Variants in ENAH observed in about 807,000 individuals in gnomAD.
The protein encoded by ENAH is protein enabled homolog.
In ENAH, 23 loss-of-function variants were observed where a neutral mutation model predicts 78.7. That is an observed-to-expected ratio of 0.29 (90% confidence interval 0.21 to 0.41). The LOEUF (loss-of-function observed/expected upper bound fraction) is 0.41, where lower values mean the gene tolerates loss of function less well. Among genes scored for constraint, ENAH ranks in the 10% least tolerant of loss-of-function variants. ENAH has a pLI of 1.00. For synonymous variants in ENAH, 226 were observed against 241.0 expected (o/e 0.94, Z 0.58); for missense variants, 544 against 691.0 (o/e 0.79, Z 2.39).
intron 3 of ENAH, among the ~76,000 whole-genome samples, chr1:225,544,998 T>C (rs894672390): frequency 1.3e-5 from 2 of 152,230 alleles, no homozygotes; most frequent in African/African-American, 4.8e-5. Flanking sequence ...CCATCAGACC[T>C]ACATTTTCCC....
intron 3 of ENAH, among the ~76,000 whole-genome samples, chr1:225,545,064 T>C (rs902816512): frequency 5.3e-5 from 8 of 152,210 alleles, no homozygotes; most frequent in Non-Finnish European, 1.0e-4. Context: ...TTCTGTGACT[T>C]GCAAAGTCCC....
At chr1:225,634,045 C>T (rs1659603050) in intron 1 of ENAH, among the ~76,000 whole-genome samples, 1 of 152,056 alleles carries the variant, frequency 6.6e-6, no homozygotes, top group Non-Finnish European at 1.5e-5. Flanking sequence ...TTATTTTTTC[C>T]ATTTCACTTA....
At chr1:225,578,433 C>T (rs2096798466) in intron 1 of ENAH, among the ~76,000 whole-genome samples, 1 of 152,156 alleles carries the variant, frequency 6.6e-6, no homozygotes. Flanking sequence ...TATTACTGAG[C>T]CACTGCATTC....
intron 1 of ENAH, among the ~76,000 whole-genome samples, chr1:225,617,025 G>A (rs768644562): frequency 6.6e-6 from 1 of 151,910 alleles, no homozygotes; most frequent in Non-Finnish European, 1.5e-5. Flanking sequence ...CTTGAACCTG[G>A]GAGGCAGAGG....
chr1:225,556,630 T>C (rs1351315768), intron 2 of ENAH, among the ~76,000 whole-genome samples: 1 of 152,234 alleles, frequency 6.6e-6, no homozygotes, highest in Non-Finnish European at 1.5e-5. Context: ...TGCCATTCTA[T>C]GAATCGCCTT....
chr1:225,561,660 T>TAAAATAAAATAAAATAAAA (rs61081018), intron 2 of ENAH, among the ~76,000 whole-genome samples: 9 of 151,622 alleles, frequency 5.9e-5, no homozygotes, highest in South Asian at 2.1e-4. Context: ...TAAAATAAAA[T>TAAAATAAAATAAAATAAAA]TAGTATGTTC....
At chr1:225,517,378 G>C (rs1361874099) in intron 5 of ENAH, 72 bp from the exon 6 acceptor site, 2 of 1,551,814 alleles carry the variant, frequency 1.3e-6, no homozygotes, top group Non-Finnish European at 1.7e-6. Context: ...TGGAGGAGGA[G>C]AAGCTTGAGA....
intron 10 of ENAH, 102 bp from the exon 11 acceptor site, chr1:225,508,119 G>T: frequency 5.1e-6 from 3 of 591,276 alleles, no homozygotes; most frequent in Non-Finnish European, 7.9e-6. Flanking sequence ...TGTTTACATA[G>T]TAGTAATATA....
intron 2 of ENAH, among the ~76,000 whole-genome samples, chr1:225,563,296 C>G (rs2096717769): frequency 6.6e-6 from 1 of 152,048 alleles, no homozygotes; most frequent in Admixed American, 6.6e-5. Flanking sequence ...CTTTGTATGG[C>G]TAGGTTATCT....
At chr1:225,639,713 C>T (rs899278948) in intron 1 of ENAH, among the ~76,000 whole-genome samples, 3 of 143,372 alleles carry the variant, frequency 2.1e-5, no homozygotes, top group Admixed American at 2.0e-4. Flanking sequence ...TAAACACACA[C>T]ACACACACAC....
chr1:225,510,303 A>G (rs2096366417), intron 10 of ENAH, among the ~76,000 whole-genome samples: 1 of 152,198 alleles, frequency 6.6e-6, no homozygotes, highest in Non-Finnish European at 1.5e-5. Flanking sequence ...CCTTCAAGAA[A>G]TTCATGAATA....
At chr1:225,616,628 G>A (rs1288770668) in intron 1 of ENAH, among the ~76,000 whole-genome samples, 2 of 151,926 alleles carry the variant, frequency 1.3e-5, no homozygotes, top group Admixed American at 6.6e-5. Flanking sequence ...ATTCTTCTAG[G>A]AAAAGATAAG....
chr1:225,564,717 G>A (rs1440985453), intron 2 of ENAH, among the ~76,000 whole-genome samples: 3 of 152,086 alleles, frequency 2.0e-5, no homozygotes, highest in Non-Finnish European at 4.4e-5. Context: ...GATTACAGGT[G>A]TGAGCCACCA....
At chr1:225,536,783 A>G (rs1208537637) in intron 3 of ENAH, among the ~76,000 whole-genome samples, 13 of 151,922 alleles carry the variant, frequency 8.6e-5, no homozygotes, top group Non-Finnish European at 1.5e-5. Context: ...TATTACATAC[A>G]CTGTATTTTT....
In ENAH at chr1:225,493,922, G is replaced by A. The variant is rs1158463358; in HGVS notation, c.*3853C>T. On this transcript the variant is annotated 3_prime_UTR_variant, in exon 14 of 14. Coordinates refer to ENST00000366843, the MANE Select transcript of ENAH (RefSeq NM_018212.6). ...ACTGAAAGTATATATAAATTTACAA[G>A]AGACATAAAAGTTGTAGCTAGGTAA... 1 of 152,012 alleles carries A rather than the reference G, an allele frequency of 6.6e-6. No individual in the cohort carries two copies. The highest frequency in any genetic ancestry group is 1.5e-5 in the Non-Finnish European group (1 of 67,982). 9.4% of individuals were successfully genotyped at this position (152,012 alleles called of 1,614,324 possible).
intron 1 of ENAH, among the ~76,000 whole-genome samples, chr1:225,578,988 C>T (rs1428503099): frequency 6.6e-6 from 1 of 152,164 alleles, no homozygotes; most frequent in African/African-American, 2.4e-5. Context: ...ATAGTACTTA[C>T]TAAGTGCCAT....
At position 225,519,367 on chromosome 1, in the gene ENAH, C is replaced by T. The variant is rs201432124; in HGVS notation, c.633G>A (p.Glu211=). 1.1e-5 allele frequency: 17 copies of T among 1,608,854 alleles called. No individual in the cohort carries two copies. In the South Asian group the frequency reaches 1.2e-4, roughly 11 times the overall value. Residue 211 remains glutamate (E), a synonymous_variant, in exon 5 of 14, where the codon GAG becomes GAA. Transcript: ENST00000366843. The part of the protein sequence containing the change: ...QERLERQERL[E]RQERLERQER... Reference sequence around the variant, plus strand: ...CCTGCCGCTCCAGGCGTTCCTGCCGCTCCAGGCGTTCCTGCCGCTCCAGGC... The same window carrying T: ...CCTGCCGCTCCAGGCGTTCCTGCCGTTCCAGGCGTTCCTGCCGCTCCAGGC...
Position 225,517,206 on chromosome 1 carries a change from T to C in ENAH, c.903A>G (p.Pro301=), listed in dbSNP as rs1426580088. The C allele has an allele frequency of 2.6e-6, 4 of 1,537,198 alleles. No homozygotes were observed. In the East Asian group the frequency reaches 9.8e-5, roughly 38 times the overall value. ...LQAASQPAET[P]SQQGIVLGPL... ...TAATGAAAGCCTTACCCTGTTGGGA[T>C]GGAGTCTCGGCCGGCTGAGAGGCTG... Residue 301 remains proline (P), a synonymous_variant, in exon 6 of 14, where the codon CCA becomes CCG. Coordinates refer to ENST00000366843, the MANE Select transcript of ENAH (RefSeq NM_018212.6).
rs569143547 is a variant in ENAH at position 225,595,170 on chromosome 1, T to C, written c.6-27756A>G. On this transcript the variant is annotated intron_variant, in intron 1 of 13. Coordinates refer to ENST00000366843, the MANE Select transcript of ENAH (RefSeq NM_018212.6). Reference sequence around the variant, plus strand: ...CAACATGGTGAAACCCCGGCTCTACTAAAAATACAAAAATTAGCCAGGCAT... The same window carrying C: ...CAACATGGTGAAACCCCGGCTCTACCAAAAATACAAAAATTAGCCAGGCAT... Among the ~76,000 whole-genome samples the C allele has an allele frequency of 3.3e-5, 5 of 152,106 alleles. No individual in the cohort carries two copies. In the East Asian group the frequency reaches 9.7e-4, roughly 29 times the overall value.
Sources: allele counts gnomAD v4.1 joint callset (sites outside exome capture counted in the v4.1 genomes callset), GRCh38; gene constraint gnomAD v4.1.1; transcripts MANE v1.5; gene names NCBI Gene and HGNC (gene_info 2026-07-23, HGNC 2026-07-21).